The following TMIGD1 variants were observed in gnomAD, a reference collection of about 807,000 sequenced individuals.
TMIGD1 encodes the protein transmembrane and immunoglobulin domain containing 1.
A neutral mutation model predicts 27.5 loss-of-function variants in TMIGD1; 29 were observed. The observed-to-expected ratio is 1.05, with a 90% CI of 0.78 to 1.44. The LOEUF (loss-of-function observed/expected upper bound fraction) is 1.44, where lower values mean the gene tolerates loss of function less well. TMIGD1 is among the 40% of genes most tolerant of loss of function. The pLI, the probability that TMIGD1 is intolerant of heterozygous loss-of-function variation, is 0.00. For synonymous variants in TMIGD1, 109 were observed against 110.3 expected (o/e 0.99, Z 0.07); for missense variants, 334 against 310.6 (o/e 1.08, Z -0.57).
At chr17:30,332,230 T>C in intron 1 of TMIGD1, 72 bp from the exon 2 acceptor site, 1 of 831,220 alleles carries the variant, frequency 1.2e-6, no homozygotes, top group East Asian at 2.6e-5. Context: ...CTTCTGTCTA[T>C]TATGCATTTA....
intron 4 of TMIGD1, among the ~76,000 whole-genome samples, chr17:30,321,194 G>T (rs946493584): frequency 2.7e-5 from 4 of 150,912 alleles, no homozygotes; most frequent in African/African-American, 9.8e-5. Flanking sequence ...TGGAGCCTGG[G>T]TATGTTGCCC....
At chr17:30,321,769 G>T (rs1394467246) in intron 4 of TMIGD1, among the ~76,000 whole-genome samples, 1 of 152,166 alleles carries the variant, frequency 6.6e-6, no homozygotes, top group Non-Finnish European at 1.5e-5. Flanking sequence ...TATACCTTAA[G>T]ATTATGAAAT....
At chr17:30,329,896 C>A (rs1032514943) in intron 2 of TMIGD1, among the ~76,000 whole-genome samples, 9 of 149,582 alleles carry the variant, frequency 6.0e-5, no homozygotes, top group African/African-American at 2.2e-4. Context: ...CATAGTGAGA[C>A]TCCGTCTCTA....
At chr17:30,321,179 A>G (rs1289515727) in intron 4 of TMIGD1, among the ~76,000 whole-genome samples, 1 of 134,320 alleles carries the variant, frequency 7.4e-6, no homozygotes, top group Non-Finnish European at 1.6e-5. Flanking sequence ...TTTTTTTTTT[A>G]GAGATGGAGC....
chr17:30,319,893 G>A (rs1783685446), intron 4 of TMIGD1, among the ~76,000 whole-genome samples: 1 of 152,098 alleles, frequency 6.6e-6, no homozygotes, highest in Non-Finnish European at 1.5e-5. Flanking sequence ...TCCCAACCTT[G>A]GCAAAGTTTT....
chr17:30,328,290 C>A (rs1480664327), intron 3 of TMIGD1, among the ~76,000 whole-genome samples: 3 of 152,068 alleles, frequency 2.0e-5, no homozygotes, highest in Admixed American at 1.3e-4. Flanking sequence ...TTTGCCTCTG[C>A]CTCCCAAAGT....
intron 4 of TMIGD1, among the ~76,000 whole-genome samples, chr17:30,319,261 A>AATAT (rs1175035556): frequency 0.024 from 1,664 of 69,072 alleles, 208 homozygotes; most frequent in African/African-American, 0.14. Context: ...AAAAAAAAAA[A>AATAT]ATATATATAT....
Position 30,324,910 on chromosome 17 carries a change from G to T in TMIGD1, c.546C>A (p.Ile182=). 1 of 1,614,178 alleles carries T rather than the reference G, an allele frequency of 6.2e-7. No homozygotes were observed. The highest frequency in any genetic ancestry group is 8.5e-7 in the Non-Finnish European group (1 of 1,180,016). ...CGTTGTCAGGCTTCTCGACTTTGGT[G>T]ATTGACAGCTGAAAAGACTCACTTG... ...QQTSESFQLS[I]TKVEKPDNGT... is the part of the protein sequence containing the mutation. Residue 182 remains isoleucine (I), a synonymous_variant, in exon 4 of 7, where the codon ATC becomes ATA. Transcript: ENST00000328886.
At chr17:30,322,299 G>C (rs917761862) in intron 4 of TMIGD1, among the ~76,000 whole-genome samples, 2 of 152,114 alleles carry the variant, frequency 1.3e-5, no homozygotes, top group Admixed American at 6.5e-5. Flanking sequence ...CCCTGGTTCT[G>C]TACTAGCCAG....
rs1909730808 is a variant in TMIGD1, at chr17:30,325,018, T to A, written c.438A>T (p.Lys146Asn). The A allele has an allele frequency of 6.2e-7, 1 of 1,614,002 alleles. No individual in the cohort carries two copies. The highest frequency in any genetic ancestry group is 1.3e-5 in the African/African-American group (1 of 74,916). ...GSNVKLVCNV[K>N]ANPQAQMMWY... ...ACATCATTTGAGCCTGGGGGTTGGC[T>A]TTCACATTGCAAACCAACTTCACAT... Residue 146 changes from lysine (K) to asparagine (N), a missense_variant, in exon 4 of 7, where the codon AAA (lysine) becomes AAT (asparagine). Coordinates refer to ENST00000328886, the MANE Select transcript of TMIGD1 (RefSeq NM_206832.3).
intron 2 of TMIGD1, 46 bp from the exon 3 acceptor site, chr17:30,329,575 CT>C: frequency 6.5e-7 from 1 of 1,532,482 alleles, no homozygotes; most frequent in Non-Finnish European, 8.9e-7. Flanking sequence ...AGTAAACAAC[CT>C]TAATGCTCAT....
intron 4 of TMIGD1, among the ~76,000 whole-genome samples, chr17:30,320,526 C>A (rs116720453): frequency 1.3e-5 from 2 of 152,080 alleles, no homozygotes; most frequent in African/African-American, 4.8e-5. Flanking sequence ...CAACTCTAAC[C>A]GAACTGTTAA....
intron 4 of TMIGD1, among the ~76,000 whole-genome samples, chr17:30,321,163 CTT>C (rs561331069): frequency 1.2e-4 from 17 of 142,264 alleles, no homozygotes; most frequent in Non-Finnish European, 1.2e-4. Flanking sequence ...TGGCCAACCC[CTT>C]TTTTTTTTTT....
At chr17:30,323,221 A>T (rs531223761) in intron 4 of TMIGD1, among the ~76,000 whole-genome samples, 2 of 152,206 alleles carry the variant, frequency 1.3e-5, no homozygotes, top group Non-Finnish European at 2.9e-5. Flanking sequence ...AAGGGTAATT[A>T]CATAACTGCC....
At position 30,329,262 on chromosome 17, in the gene TMIGD1, A is replaced by G. The variant is rs923480753; in HGVS notation, c.350T>C (p.Leu117Pro). 4 of 1,613,338 alleles carry G rather than the reference A, an allele frequency of 2.5e-6. No homozygotes were observed. The highest frequency in any genetic ancestry group is 1.7e-5 in the Admixed American group (1 of 59,994). Residue 117 changes from leucine to proline, a missense_variant, in exon 3 of 7, where the codon CTG becomes CCG. By Grantham distance (98) the Leu-to-Pro change is moderately conservative. Coordinates refer to ENST00000328886, the MANE Select transcript of TMIGD1 (RefSeq NM_206832.3). ...TTCCCCTCACTCACAAGTAACATTC[A>G]GCACCACCGAAACGGACACGGACTG... ...RDQSVSVSVV[L>P]NVTFPPLLSG...
chr17:30,327,570 T>C (rs546690638), intron 3 of TMIGD1, among the ~76,000 whole-genome samples: 1 of 151,612 alleles, frequency 6.6e-6, no homozygotes, highest in East Asian at 1.9e-4. Context: ...TTTTATTTTA[T>C]TTTTTTTGAG....
chr17:30,316,803 A>C, intron 6 of TMIGD1, 113 bp from the exon 7 acceptor site: 1 of 940,828 alleles, frequency 1.1e-6, no homozygotes, highest in South Asian at 1.5e-5. Context: ...CCTACTACCC[A>C]CTTCACATAT....
intron 6 of TMIGD1, 71 bp downstream of exon 6, chr17:30,317,122 C>G (rs1597677863): frequency 6.6e-7 from 1 of 1,523,160 alleles, no homozygotes; most frequent in Non-Finnish European, 9.1e-7. Flanking sequence ...TGGAGTTTGT[C>G]TAGAGTGATG....
intron 1 of TMIGD1, among the ~76,000 whole-genome samples, chr17:30,333,308 G>A (rs189653060): frequency 6.6e-6 from 1 of 151,942 alleles, no homozygotes; most frequent in Admixed American, 6.6e-5. Flanking sequence ...AGGCATGGTG[G>A]CGAGCGCCTG....
Sources: gnomAD v4.1 joint callset for allele counts (sites outside exome capture counted in the v4.1 genomes callset) on GRCh38, gnomAD v4.1.1 for gene constraint, MANE v1.5 for transcripts, NCBI Gene and HGNC (gene_info 2026-07-23, HGNC 2026-07-21) for gene names.